SETD1B: variants seen among roughly 807,000 people sequenced by gnomAD.
The protein encoded by SETD1B is histone-lysine N-methyltransferase SETD1B.
In SETD1B, 7 loss-of-function variants were observed where a neutral mutation model predicts 148.0. The observed-to-expected ratio is 0.05, with a 90% CI of 0.03 to 0.09. The LOEUF is 0.09. Ranked by LOEUF, SETD1B falls within the 10% of genes least tolerant of loss-of-function variation. The pLI is 1.00. For missense variants in SETD1B, 2,155 were observed against 2,729.9 expected (o/e 0.79, Z 4.69); for synonymous variants, 1,361 against 1,186.5 (o/e 1.15, Z -3.02).
chr12:121,813,198 G>A (rs1876123472), intron 6 of SETD1B, among the ~76,000 whole-genome samples: 1 of 152,208 alleles, frequency 6.6e-6, no homozygotes, highest in Non-Finnish European at 1.5e-5. Context: ...AGAGCCCCCC[G>A]CCCTGTGAGG....
In SETD1B at chr12:121,805,005, A is replaced by C. The variant is rs192812302; in HGVS notation, c.174+94A>C. Reference sequence around the variant, plus strand: ...GGACCCCCCGCCCGATCCCCCGGCCAACTGTCAGACGGGGCCCCAGCCCTG... The same window carrying C: ...GGACCCCCCGCCCGATCCCCCGGCCCACTGTCAGACGGGGCCCCAGCCCTG... On this transcript the variant is annotated intron_variant, in intron 2 of 16. Coordinates refer to ENST00000604567, the MANE Select transcript of SETD1B (RefSeq NM_001353345.2). This position sits in a 1 kb window ranked among gnomAD's most constrained non-coding sequence, Gnocchi z 4.2. The C allele has an allele frequency of 4.0e-3, 5,830 of 1,457,704 alleles. 16 individuals are homozygous for C. The highest frequency in any genetic ancestry group is 5.4e-3 in the Admixed American group (235 of 43,626). 90.3% of individuals were successfully genotyped at this position (1,457,704 alleles called of 1,614,324 possible).
chr12:121,808,127 G>A lies in SETD1B; in HGVS notation c.545-81G>A. On this transcript the variant is annotated intron_variant, in intron 4 of 16. Transcript: ENST00000604567. The surrounding 1 kb of genome is among the most constrained non-coding windows in gnomAD (Gnocchi z 5.3). Reference sequence around the variant, plus strand: ...TCTCGGGCACAAGGGACCCACCAGGGTGCCACACAGGTTGGAATCCTTGTG... The same window carrying A: ...TCTCGGGCACAAGGGACCCACCAGGATGCCACACAGGTTGGAATCCTTGTG... 8.9e-7 allele frequency: 1 copy of A among 1,119,336 alleles called. No homozygotes were observed. The highest frequency in any genetic ancestry group is 1.3e-6 in the Non-Finnish European group (1 of 770,084). The allele number at this position is 1,119,336 out of a possible 1,614,324, so 69.3% of individuals were successfully genotyped here. A position where few individuals can be genotyped will look rare whatever the true frequency, so the allele number is the denominator to read the frequency against.
At position 121,817,899 on chromosome 12, in the gene SETD1B, A is replaced by G. The variant is rs1876377201; in HGVS notation, c.3413A>G (p.Asp1138Gly). 7.8e-6 allele frequency: 12 copies of G among 1,545,472 alleles called. No homozygotes were observed. Among genetic ancestry groups the G allele is most frequent in the South Asian group, 1.2e-5 (1 of 83,374 alleles). ...EASEKDEGDS[D>G]EEETVSIVTS... ...AGTGAGAAGGACGAAGGGGACTCGG[A>G]TGAAGGTGAGCAGGGAGGCCGTGGC... Residue 1138 changes from aspartate to glycine, a missense_variant, in exon 10 of 17, where the codon GAT becomes GGT. Transcript: ENST00000604567. The surrounding 1 kb of genome is among the most constrained non-coding windows in gnomAD (Gnocchi z 8.1).
At chr12:121,815,340 C>A (rs1407471808) in intron 7 of SETD1B, among the ~76,000 whole-genome samples, 4 of 152,066 alleles carry the variant, frequency 2.6e-5, no homozygotes, top group Non-Finnish European at 5.9e-5. Flanking sequence ...TGCCACATTT[C>A]AAGTGCTCGG....
chr12:121,814,042 G>T, intron 6 of SETD1B, 64 bp from the exon 7 acceptor site: 1 of 1,327,418 alleles, frequency 7.5e-7, no homozygotes, highest in Non-Finnish European at 1.0e-6. Context: ...TCTTGCAGAG[G>T]GGACTCCGAG....
At chr12:121,803,753 TCCCCCGCCAGCCAAGACCCCCA>T (rs1875535416), upstream of SETD1B, 2 of 149,208 alleles carry the variant, frequency 1.3e-5, no homozygotes, top group Non-Finnish European at 3.0e-5. This position sits in a 1 kb window ranked among gnomAD's most constrained non-coding sequence, Gnocchi z 4.7. Flanking sequence ...GGAGACCCCC[TCCCCCGCCAGCCAAGACCCCCA>T]CCCCAGTCCC....
intron 11 of SETD1B, 104 bp from the exon 12 acceptor site, chr12:121,822,386 C>G: frequency 2.2e-6 from 3 of 1,372,698 alleles, no homozygotes; most frequent in Admixed American, 2.7e-5. Context: ...GTCCCGTGCT[C>G]AGACTCAGGG....
rs1420839418 is a variant in SETD1B, at chr12:121,810,668, A to G, written c.1723A>G (p.Thr575Ala). Residue 575 changes from threonine (T) to alanine (A), a missense_variant, in exon 6 of 17, where the codon ACA becomes GCA. Physicochemically the swap from Thr to Ala is moderately conservative, Grantham distance 58. This residue lies in a region of SETD1B where 295 missense variants were observed against 303.8 expected (regional missense o/e 0.97). Transcript: ENST00000604567. This position sits in a 1 kb window ranked among gnomAD's most constrained non-coding sequence, Gnocchi z 7.6. ...CACCGGCCTGGAGGATATCAGCCCA[A>G]CACCCCTCCCAGACTCCGACGAGGA... ...SSTGLEDISP[T>A]PLPDSDEDEE... 5.2e-6 allele frequency: 8 copies of G among 1,549,888 alleles called. No individual in the cohort carries two copies. Among genetic ancestry groups the G allele is most frequent in the Non-Finnish European group, 7.0e-6 (8 of 1,146,808 alleles).
Position 121,823,071 on chromosome 12 carries a change from A to AC in SETD1B, c.4496dup (p.Leu1500AlafsTer67). 1 of 1,065,638 alleles carries AC rather than the reference A, an allele frequency of 9.4e-7. No homozygotes were observed. The highest frequency in any genetic ancestry group is 2.7e-5 in the African/African-American group (1 of 37,292). The allele number at this position is 1,065,638 out of a possible 1,614,324, so 66.0% of individuals were successfully genotyped here. A position where few individuals can be genotyped will look rare whatever the true frequency, so the allele number is the denominator to read the frequency against. The stretch of plus-strand genomic sequence containing the variant: ...CTTGCGGGCCCAGGCTCGTGCGCCC[A>AC]CCCCGCTGCCACCCCTGCTGCCCGC... On this transcript the variant is annotated frameshift_variant, in exon 12 of 17. Transcript: ENST00000604567. LOFTEE classifies it high-confidence loss of function.
intron 10 of SETD1B, 133 bp from the exon 11 acceptor site, chr12:121,819,271 C>T: frequency 6.9e-7 from 1 of 1,454,054 alleles, no homozygotes; most frequent in Non-Finnish European, 9.1e-7. Flanking sequence ...CTAGTGAACA[C>T]ATGCCCCACA....
At position 121,813,964 on chromosome 12, in the gene SETD1B, C is replaced by T. The variant is rs376257461; in HGVS notation, c.1891-142C>T. Reference sequence around the variant, plus strand: ...ATGATGCCCATTTTGCAAATGAAGACGCTGAGGCTTGGAGAGGCTGAATGG... The same window carrying T: ...ATGATGCCCATTTTGCAAATGAAGATGCTGAGGCTTGGAGAGGCTGAATGG... On this transcript the variant is annotated intron_variant, in intron 6 of 16. Coordinates refer to ENST00000604567, the MANE Select transcript of SETD1B (RefSeq NM_001353345.2). The T allele has an allele frequency of 1.4e-4, 89 of 629,506 alleles. No homozygotes were observed. In the African/African-American group the frequency reaches 1.5e-3, roughly 10 times the overall value. The allele number at this position is 629,506 out of a possible 1,614,324, so 39.0% of individuals were successfully genotyped here.
rs972232031 is a variant in SETD1B, at chr12:121,823,337, T to TCCC, written c.4763_4765dup (p.Pro1588dup). On this transcript the variant is annotated inframe_insertion, in exon 12 of 17. Transcript: ENST00000604567. The stretch of plus-strand genomic sequence containing the variant: ...GGATCCCAGCCCCTCCACCACCCCT[T>TCCC]CCCCCCCAGCCACCCCCACCCCCAC... 2.5e-6 allele frequency: 2 copies of TCCC among 809,562 alleles called. No homozygotes were observed. Among genetic ancestry groups the TCCC allele is most frequent in the East Asian group, 5.7e-5 (1 of 17,480 alleles). The allele number at this position is 809,562 out of a possible 1,614,324, so 50.1% of individuals were successfully genotyped here.
At chr12:121,816,894 C>T (rs1876316144) in intron 7 of SETD1B, 139 bp from the exon 8 acceptor site, 1 of 737,010 alleles carries the variant, frequency 1.4e-6, no homozygotes, top group Non-Finnish European at 2.2e-6. Flanking sequence ...CATAGTGTGG[C>T]CAGGTGTGTA....
Position 121,830,432 on chromosome 12 carries a change from C to T in SETD1B, c.*193C>T. 1.8e-6 allele frequency: 1 copy of T among 553,198 alleles called. No homozygotes were observed. Among genetic ancestry groups the T allele is most frequent in the Non-Finnish European group, 3.2e-6 (1 of 312,156 alleles). 34.3% of individuals were successfully genotyped at this position (553,198 alleles called of 1,614,324 possible). ...GCTCCGGCCCCTCCGCGGGAAAGGG[C>T]TTCTCTGTCGTTCAGCCCACGTCTC... On this transcript the variant is annotated 3_prime_UTR_variant, in exon 17 of 17. Coordinates refer to ENST00000604567, the MANE Select transcript of SETD1B (RefSeq NM_001353345.2). This position sits in a 1 kb window ranked among gnomAD's most constrained non-coding sequence, Gnocchi z 5.7.
In SETD1B at chr12:121,804,759, CA is replaced by C. The variant is rs746194474; in HGVS notation, c.23del (p.His8ProfsTer27). 7.2e-5 allele frequency: 111 copies of C among 1,546,418 alleles called. No individual in the cohort carries two copies. Among genetic ancestry groups the C allele is most frequent in the African/African-American group, 1.2e-4 (9 of 72,792 alleles). On this transcript the variant is annotated frameshift_variant, in exon 2 of 17. Coordinates refer to ENST00000604567, the MANE Select transcript of SETD1B (RefSeq NM_001353345.2). LOFTEE classifies it high-confidence loss of function. This position sits in a 1 kb window ranked among gnomAD's most constrained non-coding sequence, Gnocchi z 4.6. ...CGGCATGGAGAACAGTCACCCCCCC[CA>C]CCACCACCACCAGCAGCCCCCGCCG... MENSHPP[H>X]HHHQQPPPQP...
At chr12:121,809,495 T>C in intron 5 of SETD1B, 108 bp from the exon 6 acceptor site, 1 of 1,202,252 alleles carries the variant, frequency 8.3e-7, no homozygotes, top group Non-Finnish European at 1.1e-6. Context: ...GCTGCAGTTC[T>C]AGAGCAGTTT....
upstream of SETD1B, chr12:121,803,858 G>T (rs1020057504): frequency 6.5e-6 from 1 of 153,180 alleles, no homozygotes; most frequent in East Asian, 1.9e-4. This position sits in a 1 kb window ranked among gnomAD's most constrained non-coding sequence, Gnocchi z 4.7. Flanking sequence ...AGTGAGGGGT[G>T]GGGGGCCGCT....
Position 121,811,887 on chromosome 12 carries a change from G to T in SETD1B, c.1890+1052G>T, listed in dbSNP as rs375126438. ...GTGGTTTCTGGCATCAAGGGGTCCA[G>T]GCAGGGGGCCTTGGCAGGGGGCGTT... On this transcript the variant is annotated intron_variant, in intron 6 of 16. Coordinates refer to ENST00000604567, the MANE Select transcript of SETD1B (RefSeq NM_001353345.2). 2.3e-4 allele frequency among the ~76,000 whole-genome samples: 35 copies of T among 152,306 alleles called. No individual in the cohort carries two copies. The South Asian group carries it at 2.7e-3, about 12-fold the overall frequency.
chr12:121,804,627 G>C lies in SETD1B; in HGVS notation c.-14-97G>C. 9.6e-7 allele frequency: 1 copy of C among 1,043,778 alleles called. No homozygotes were observed. Among genetic ancestry groups the C allele is most frequent in the Non-Finnish European group, 1.4e-6 (1 of 725,458 alleles). The allele number at this position is 1,043,778 out of a possible 1,614,324, so 64.7% of individuals were successfully genotyped here. On this transcript the variant is annotated intron_variant, in intron 1 of 16. Coordinates refer to ENST00000604567, the MANE Select transcript of SETD1B (RefSeq NM_001353345.2). The surrounding 1 kb of genome is among the most constrained non-coding windows in gnomAD (Gnocchi z 4.6). ...TTCGGGGCGCGCTGGCAAGGTGGGAGGGGGTGGGGGCCTGCCGATTGGATT... is the reference window on the plus strand; with the variant it reads ...TTCGGGGCGCGCTGGCAAGGTGGGACGGGGTGGGGGCCTGCCGATTGGATT...
Sources: gnomAD v4.1 joint callset for allele counts (sites outside exome capture counted in the v4.1 genomes callset) on GRCh38, gnomAD v4.1.1 for gene constraint, gnomAD v4.1.1 regional missense constraint, Gnocchi (gnomAD v3.1) non-coding constraint, MANE v1.5 for transcripts, NCBI Gene and HGNC (gene_info 2026-07-23, HGNC 2026-07-21) for gene names.